The following ELF2 variants were observed in gnomAD, a reference collection of about 807,000 sequenced individuals.
The protein encoded by ELF2 is ETS-related transcription factor Elf-2.
In ELF2, 11 loss-of-function variants were observed where a neutral mutation model predicts 54.8. The observed-to-expected ratio is 0.20, with a 90% CI of 0.13 to 0.33. The LOEUF (loss-of-function observed/expected upper bound fraction) is 0.33, where lower values mean the gene tolerates loss of function less well. ELF2 is among the 10% of genes least tolerant of loss of function. The pLI, the probability that ELF2 is intolerant of heterozygous loss-of-function variation, is 1.00. For synonymous variants in ELF2, 203 were observed against 245.1 expected, an observed-to-expected ratio of 0.83 and a Z score of 1.61; for missense variants, 513 against 703.0, an observed-to-expected ratio of 0.73 and a Z score of 3.06.
intron 3 of ELF2, among the ~76,000 whole-genome samples, chr4:139,132,884 A>AT (rs539156094): frequency 2.1e-4 from 27 of 127,052 alleles, no homozygotes; most frequent in East Asian, 6.9e-4. Context: ...AAAATATGTA[A>AT]TTTTTTTTTT....
At chr4:139,103,957 A>C (rs1444919897) in intron 4 of ELF2, among the ~76,000 whole-genome samples, 1 of 152,264 alleles carries the variant, frequency 6.6e-6, no homozygotes, top group Non-Finnish European at 1.5e-5. Flanking sequence ...AATATAAAAC[A>C]TATGAAAAGT....
intron 1 of ELF2, among the ~76,000 whole-genome samples, chr4:139,147,330 A>C (rs1430657851): frequency 1.3e-5 from 2 of 152,246 alleles, no homozygotes; most frequent in Non-Finnish European, 2.9e-5. Context: ...TTAAAACCAC[A>C]ATGACACACC....
intron 1 of ELF2, among the ~76,000 whole-genome samples, chr4:139,161,614 A>T (rs1741147192): frequency 6.7e-6 from 1 of 148,510 alleles, no homozygotes; most frequent in Non-Finnish European, 1.5e-5. Flanking sequence ...GCTTTGTCTA[A>T]TATCTCAGTT....
intron 4 of ELF2, among the ~76,000 whole-genome samples, chr4:139,085,683 C>G (rs1257935365): frequency 6.6e-6 from 1 of 152,206 alleles, no homozygotes; most frequent in African/African-American, 2.4e-5. Flanking sequence ...AGTACAACTC[C>G]TCTTTAAATA....
At chr4:139,170,257 G>A (rs1336787467) in intron 1 of ELF2, among the ~76,000 whole-genome samples, 2 of 131,472 alleles carry the variant, frequency 1.5e-5, no homozygotes, top group East Asian at 2.1e-4. Context: ...GATCTTAATC[G>A]CCTTTTTTTT....
intron 1 of ELF2, among the ~76,000 whole-genome samples, chr4:139,162,516 G>A (rs1462577507): frequency 6.6e-6 from 1 of 152,080 alleles, no homozygotes; most frequent in Non-Finnish European, 1.5e-5. Flanking sequence ...GGGCAACAAA[G>A]CAAGACTCCG....
intron 3 of ELF2, among the ~76,000 whole-genome samples, chr4:139,127,084 T>C (rs567411480): frequency 6.6e-6 from 1 of 152,258 alleles, no homozygotes; most frequent in Non-Finnish European, 1.5e-5. Context: ...GATCAGTCTG[T>C]TCTAGATTTT....
At chr4:139,113,098 C>T (rs989284587) in intron 4 of ELF2, among the ~76,000 whole-genome samples, 5 of 152,182 alleles carry the variant, frequency 3.3e-5, no homozygotes, top group African/African-American at 1.2e-4. Context: ...TAGCTCATGC[C>T]TATAATCCCA....
chr4:139,060,540 G>A lies in ELF2; in HGVS notation c.941C>T (p.Thr314Ile). The change falls in exon 9 of 10, where the codon ACT becomes ATT. Residue 314 changes from threonine to isoleucine, a missense_variant. This residue lies in a region of ELF2 where 291 missense variants were observed against 366.1 expected (regional missense o/e 0.79). Coordinates refer to ENST00000686138, the MANE Select transcript of ELF2 (RefSeq NM_001331036.3). The part of the protein sequence containing the change: ...SETCNEDLAG[T>I]TDEKSLERVS... Reference sequence around the variant, plus strand: ...TCGTTCTAATGATTTTTCATCAGTAGTTCCTGCTAAATCTTCATTACAGGT... The same window carrying A: ...TCGTTCTAATGATTTTTCATCAGTAATTCCTGCTAAATCTTCATTACAGGT... 1.2e-6 allele frequency: 2 copies of A among 1,614,198 alleles called. No individual in the cohort carries two copies. Among genetic ancestry groups the A allele is most frequent in the Non-Finnish European group, 1.7e-6 (2 of 1,180,030 alleles).
At chr4:139,161,862 A>G (rs1234531507) in intron 1 of ELF2, among the ~76,000 whole-genome samples, 2 of 152,090 alleles carry the variant, frequency 1.3e-5, no homozygotes, top group African/African-American at 4.8e-5. Flanking sequence ...TGGGAGGCCA[A>G]GACGGGTGGA....
At chr4:139,176,620 C>T (rs1742964795) in intron 1 of ELF2, among the ~76,000 whole-genome samples, 1 of 152,140 alleles carries the variant, frequency 6.6e-6, no homozygotes, top group African/African-American at 2.4e-5. Context: ...GATGTAAACA[C>T]GGAGAGACCA....
intron 4 of ELF2, among the ~76,000 whole-genome samples, chr4:139,089,287 C>T (rs1410691320): frequency 6.6e-6 from 1 of 152,012 alleles, no homozygotes. Flanking sequence ...TTTAAGAACC[C>T]ATCTCACACA....
chr4:139,143,705 G>A (rs1483490222), intron 1 of ELF2, among the ~76,000 whole-genome samples: 2 of 152,126 alleles, frequency 1.3e-5, no homozygotes, highest in Non-Finnish European at 2.9e-5. Flanking sequence ...GCTCGAGCTC[G>A]GGAGGCGGAG....
At chr4:139,076,861 C>A (rs1388744113) in intron 4 of ELF2, among the ~76,000 whole-genome samples, 1 of 152,008 alleles carries the variant, frequency 6.6e-6, no homozygotes, top group Non-Finnish European at 1.5e-5. Context: ...ACTTCCCCTT[C>A]CCCCCTAAAA....
chr4:139,149,754 T>A (rs1376991825), intron 1 of ELF2, among the ~76,000 whole-genome samples: 1 of 152,258 alleles, frequency 6.6e-6, no homozygotes, highest in Admixed American at 6.5e-5. Context: ...AAAAAAATTC[T>A]ACATGGGCAA....
intron 4 of ELF2, among the ~76,000 whole-genome samples, chr4:139,080,801 C>T (rs894373053): frequency 3.3e-5 from 5 of 152,028 alleles, no homozygotes; most frequent in African/African-American, 1.2e-4. Context: ...ATTAATTAGA[C>T]TATATTACAG....
At chr4:139,067,204 T>A (rs1578677933) in intron 7 of ELF2, 1 of 152,146 alleles carries the variant, frequency 6.6e-6, no homozygotes, top group Admixed American at 6.5e-5. Flanking sequence ...GGCGGAAAGA[T>A]TACTTAAGAC....
chr4:139,126,354 A>C (rs528170533), intron 3 of ELF2, among the ~76,000 whole-genome samples: 4 of 149,102 alleles, frequency 2.7e-5, no homozygotes, highest in Non-Finnish European at 5.9e-5. Context: ...ATAAATCATA[A>C]GGAAAAAACA....
Position 139,057,352 on chromosome 4 carries a change from G to T in ELF2, c.*1631C>A, listed in dbSNP as rs1727199006. On this transcript the variant is annotated 3_prime_UTR_variant, in exon 10 of 10. Coordinates refer to ENST00000686138, the MANE Select transcript of ELF2 (RefSeq NM_001331036.3). The stretch of plus-strand genomic sequence containing the variant: ...TTATAAACAATTTCTGACCTAAGTA[G>T]TATGTGATCAATTAAAAGACAAAAA... 6.6e-6 allele frequency: 1 copy of T among 152,192 alleles called. No homozygotes were observed. The highest frequency in any genetic ancestry group is 1.5e-5 in the Non-Finnish European group (1 of 68,030). The allele number at this position is 152,192 out of a possible 1,614,324, so 9.4% of individuals were successfully genotyped here.
Sources: gnomAD v4.1 joint callset for allele counts (sites outside exome capture counted in the v4.1 genomes callset) on GRCh38, gnomAD v4.1.1 for gene constraint, gnomAD v4.1.1 regional missense constraint, MANE v1.5 for transcripts, NCBI Gene and HGNC (gene_info 2026-07-23, HGNC 2026-07-21) for gene names.